TBCK: variants seen among roughly 807,000 people sequenced by gnomAD.
The protein encoded by TBCK is TBC1 domain containing kinase, also known as TBC domain-containing protein kinase-like protein.
A neutral mutation model predicts 113.4 loss-of-function variants in TBCK; 99 were observed. The ratio of observed to expected loss-of-function variants is 0.87; its 90% confidence interval spans 0.74 to 1.03. TBCK has a LOEUF of 1.03. Among genes scored for constraint, TBCK ranks in the 50% least tolerant of loss-of-function variants. The pLI, the probability that TBCK is intolerant of heterozygous loss-of-function variation, is 0.00. For synonymous variants in TBCK, 369 were observed against 370.8 expected (o/e 1.00, Z 0.05); for missense variants, 1,045 against 1,061.3 (o/e 0.98, Z 0.21).
chr4:106,161,418 C>G (rs542428187), intron 23 of TBCK, among the ~76,000 whole-genome samples: 1 of 151,974 alleles, frequency 6.6e-6, no homozygotes, highest in African/African-American at 2.4e-5. Flanking sequence ...TCTTAGCTTT[C>G]CTGGAGAGGA....
chr4:106,097,690 G>C (rs1213448919), intron 24 of TBCK, among the ~76,000 whole-genome samples: 1 of 152,086 alleles, frequency 6.6e-6, no homozygotes, highest in Non-Finnish European at 1.5e-5. Context: ...ACAGCATTAG[G>C]TGAAATAGAA....
chr4:106,189,291 C>G (rs1579180753), intron 22 of TBCK, among the ~76,000 whole-genome samples: 1 of 138,876 alleles, frequency 7.2e-6, no homozygotes, highest in Non-Finnish European at 1.5e-5. Flanking sequence ...TGCAGTGAGC[C>G]AAAATTGTGC....
At chr4:106,228,641 G>C (rs527720557) in intron 19 of TBCK, among the ~76,000 whole-genome samples, 2 of 151,954 alleles carry the variant, frequency 1.3e-5, no homozygotes, top group East Asian at 1.9e-4. Flanking sequence ...TTACCCACTT[G>C]TCTGTTGATG....
chr4:106,154,242 G>A (rs1030814807), intron 23 of TBCK, among the ~76,000 whole-genome samples: 3 of 151,504 alleles, frequency 2.0e-5, no homozygotes, highest in South Asian at 2.1e-4. Context: ...TTGATTTGAC[G>A]TTACCATGAG....
chr4:106,278,885 T>C (rs574675589), intron 3 of TBCK, among the ~76,000 whole-genome samples: 3 of 151,828 alleles, frequency 2.0e-5, no homozygotes, highest in Non-Finnish European at 4.4e-5. Flanking sequence ...AAATAAAATA[T>C]AGCTAAGAAG....
chr4:106,166,352 T>C (rs939736927), intron 23 of TBCK, among the ~76,000 whole-genome samples: 3 of 151,770 alleles, frequency 2.0e-5, no homozygotes, highest in Non-Finnish European at 4.4e-5. Flanking sequence ...TCAAACAACA[T>C]GAACTTACAG....
At chr4:106,119,236 T>G (rs74655765) in intron 23 of TBCK, among the ~76,000 whole-genome samples, 1 of 152,166 alleles carries the variant, frequency 6.6e-6, no homozygotes, top group Admixed American at 6.6e-5. Context: ...TTACAGGTAA[T>G]GGACAAGATT....
Position 106,260,511 on chromosome 4 carries a change from C to A in TBCK, c.382-1G>T. ...CAAATTTAGCCAATTTAATATGTCC[C>A]TATGATAATAAAGAAAAAAAACACT... On this transcript the variant is annotated splice_acceptor_variant, in intron 4 of 25. Transcript: ENST00000394708. LOFTEE classifies it high-confidence loss of function. 1 of 1,158,984 alleles carries A rather than the reference C, an allele frequency of 8.6e-7. No homozygotes were observed. The highest frequency in any genetic ancestry group is 1.2e-6 in the Non-Finnish European group (1 of 863,978). The allele number at this position is 1,158,984 out of a possible 1,614,324, so 71.8% of individuals were successfully genotyped here. A position where few individuals can be genotyped will look rare whatever the true frequency, so the allele number is the denominator to read the frequency against.
chr4:106,146,686 A>G (rs1174412569), intron 23 of TBCK, among the ~76,000 whole-genome samples: 2 of 152,180 alleles, frequency 1.3e-5, no homozygotes, highest in Non-Finnish European at 2.9e-5. Context: ...TCTTGCCTCA[A>G]TGTTGAGGAC....
intron 12 of TBCK, among the ~76,000 whole-genome samples, chr4:106,238,406 G>T (rs1356666181): frequency 6.6e-6 from 1 of 152,160 alleles, no homozygotes; most frequent in Non-Finnish European, 1.5e-5. Flanking sequence ...GGAAAATGCA[G>T]TGATAACAGA....
chr4:106,218,862 A>G, intron 19 of TBCK, among the ~76,000 whole-genome samples: 1 of 144,738 alleles, frequency 6.9e-6, no homozygotes, highest in East Asian at 2.1e-4. Context: ...CAGCCATCCC[A>G]TTACTGGGTA....
intron 23 of TBCK, among the ~76,000 whole-genome samples, chr4:106,164,770 T>TTCC (rs1197014292): frequency 6.6e-6 from 1 of 151,746 alleles, no homozygotes; most frequent in African/African-American, 2.4e-5. Flanking sequence ...AGTGTTGTTA[T>TTCC]TATTGAGATG....
At chr4:106,225,698 C>T (rs1013119909) in intron 19 of TBCK, among the ~76,000 whole-genome samples, 1 of 151,988 alleles carries the variant, frequency 6.6e-6, no homozygotes, top group Non-Finnish European at 1.5e-5. Flanking sequence ...ACGTCGTGAT[C>T]TGCCCTCCTC....
At chr4:106,127,896 A>G (rs1202016242) in intron 23 of TBCK, among the ~76,000 whole-genome samples, 1 of 152,158 alleles carries the variant, frequency 6.6e-6, no homozygotes, top group East Asian at 1.9e-4. Flanking sequence ...GCCCCAGGCC[A>G]TTTTATTTAT....
intron 25 of TBCK, among the ~76,000 whole-genome samples, chr4:106,077,280 C>T (rs544508169): frequency 6.6e-6 from 1 of 152,276 alleles, no homozygotes; most frequent in East Asian, 1.9e-4. Flanking sequence ...ACATAACAAC[C>T]AGCTAAAAGC....
chr4:106,120,445 G>C (rs1744174325), intron 23 of TBCK, among the ~76,000 whole-genome samples: 1 of 152,220 alleles, frequency 6.6e-6, no homozygotes, highest in Admixed American at 6.5e-5. Context: ...TGGGAAGCTT[G>C]AACTGGGTGG....
At chr4:106,310,902 T>C (rs995912551) in intron 1 of TBCK, among the ~76,000 whole-genome samples, 13 of 152,084 alleles carry the variant, frequency 8.5e-5, no homozygotes, top group East Asian at 3.8e-4. Flanking sequence ...TGAGGAGATA[T>C]TGCATCCATT....
At chr4:106,298,477 G>A (rs1483389837) in intron 2 of TBCK, among the ~76,000 whole-genome samples, 1 of 151,902 alleles carries the variant, frequency 6.6e-6, no homozygotes, top group Non-Finnish European at 1.5e-5. Context: ...CAGGCGTGGT[G>A]GCAGGTGCCT....
At chr4:106,158,059 C>T (rs937089523) in intron 23 of TBCK, among the ~76,000 whole-genome samples, 4 of 152,132 alleles carry the variant, frequency 2.6e-5, no homozygotes, top group African/African-American at 9.7e-5. Flanking sequence ...GGGAACAATA[C>T]TGACAGAAAA....
Sources: allele counts gnomAD v4.1 joint callset (sites outside exome capture counted in the v4.1 genomes callset), GRCh38; gene constraint gnomAD v4.1.1; transcripts MANE v1.5; gene names NCBI Gene and HGNC (gene_info 2026-07-23, HGNC 2026-07-21).